Variants in GABRB2 observed in about 807,000 individuals in gnomAD.
GABRB2 encodes gamma-aminobutyric acid receptor subunit beta-2.
Under a neutral mutation model 54.7 loss-of-function variants are expected in GABRB2, and 16 were observed. The ratio of observed to expected loss-of-function variants is 0.29; its 90% CI spans 0.20 to 0.44. The LOEUF (loss-of-function observed/expected upper bound fraction) is 0.44. GABRB2 is among the 20% of genes least tolerant of loss of function. The probability of loss-of-function intolerance (pLI) is 1.00; values close to 1 mark genes in which losing one functional copy is unlikely to be tolerated. For synonymous variants in GABRB2, 244 were observed against 233.8 expected (o/e 1.04, Z -0.40); for missense variants, 355 against 644.0 (o/e 0.55, Z 4.86).
chr5:161,534,559 G>A (rs531128247), intron 3 of GABRB2, among the ~76,000 whole-genome samples: 11 of 152,154 alleles, frequency 7.2e-5, no homozygotes, highest in South Asian at 4.2e-4. Context: ...TCACTTGCAG[G>A]GTAAATGCAC....
In GABRB2 at chr5:161,522,350, C is replaced by T. The variant is rs1760140323; in HGVS notation, c.237+22877G>A. On this transcript the variant is annotated intron_variant, in intron 3 of 9. Coordinates refer to ENST00000393959, the MANE Select transcript of GABRB2 (RefSeq NM_001371727.1). The stretch of plus-strand genomic sequence containing the variant: ...AAAAATACAGCATCCAACAACACTA[C>T]TGCAGACTCCTGCAGGCACGATACC... 2.6e-5 allele frequency among the ~76,000 whole-genome samples: 4 copies of T among 151,758 alleles called. No individual in the cohort carries two copies. The South Asian group carries it at 6.2e-4, about 24-fold the overall frequency.
chr5:161,446,429 T>C (rs568311150), intron 4 of GABRB2, among the ~76,000 whole-genome samples: 12 of 152,268 alleles, frequency 7.9e-5, no homozygotes, highest in East Asian at 5.8e-4. Context: ...AAGTGAATAA[T>C]TGCATTCAGC....
At chr5:161,460,626 C>T (rs2113266961) in intron 3 of GABRB2, among the ~76,000 whole-genome samples, 1 of 151,954 alleles carries the variant, frequency 6.6e-6, no homozygotes, top group Non-Finnish European at 1.5e-5. Flanking sequence ...ACATCCAAAC[C>T]TAAGAATCCA....
intron 3 of GABRB2, among the ~76,000 whole-genome samples, chr5:161,498,412 T>G (rs1581035730): frequency 6.6e-6 from 1 of 152,200 alleles, no homozygotes; most frequent in East Asian, 1.9e-4. Context: ...TCTATTGGCT[T>G]TGAGATGCTG....
chr5:161,433,601 C>A (rs1216418389), intron 4 of GABRB2, among the ~76,000 whole-genome samples: 1 of 151,574 alleles, frequency 6.6e-6, no homozygotes, highest in Non-Finnish European at 1.5e-5. Context: ...TGGAGTGATA[C>A]CCTGTCTCCA....
chr5:161,343,353 T>A (rs1163224200), intron 5 of GABRB2, among the ~76,000 whole-genome samples: 1 of 152,024 alleles, frequency 6.6e-6, no homozygotes, highest in Admixed American at 6.6e-5. Context: ...CATTCATCCT[T>A]CATCAGAGAT....
chr5:161,388,805 C>A (rs559620848), intron 5 of GABRB2, among the ~76,000 whole-genome samples: 151 of 151,904 alleles, frequency 9.9e-4, no homozygotes, highest in African/African-American at 3.6e-3. Flanking sequence ...TCTTCAACAG[C>A]AACATGTTGC....
chr5:161,307,880 A>G lies in GABRB2; in HGVS notation c.1192-13452T>C, dbSNP rs532874633. ...GACTAATTCTTTTTTTTTTTTTTTG[A>G]CCGAGTCTCGCTCTGTTGCCCAGGC... On this transcript the variant is annotated intron_variant, in intron 9 of 9. Transcript: ENST00000393959. Among the ~76,000 whole-genome samples, 8 of 130,090 alleles carry G rather than the reference A, an allele frequency of 6.1e-5. No individual in the cohort carries two copies. The South Asian group carries it at 1.9e-3, about 31-fold the overall frequency. The allele number at this position is 130,090 out of a possible 152,430, so 85.3% of individuals were successfully genotyped here. A position where few individuals can be genotyped will look rare whatever the true frequency, so the allele number is the denominator to read the frequency against.
chr5:161,407,221 T>G (rs999262773), intron 5 of GABRB2, among the ~76,000 whole-genome samples: 1 of 152,004 alleles, frequency 6.6e-6, no homozygotes, highest in East Asian at 1.9e-4. Context: ...GATGAGGCCA[T>G]GTAGTTGACA....
chr5:161,353,041 C>A (rs940032035), intron 5 of GABRB2, among the ~76,000 whole-genome samples: 1 of 151,910 alleles, frequency 6.6e-6, no homozygotes, highest in Non-Finnish European at 1.5e-5. Context: ...ATAGAAAATA[C>A]CTGCAAAGCA....
intron 3 of GABRB2, among the ~76,000 whole-genome samples, chr5:161,510,351 G>T (rs568783802): frequency 1.1e-4 from 16 of 151,444 alleles, no homozygotes; most frequent in East Asian, 9.7e-4. Flanking sequence ...GAGAACATGC[G>T]ACATTTGTCT....
At position 161,353,453 on chromosome 5, in the gene GABRB2, G is replaced by A. The variant is rs73797582; in HGVS notation, c.542-16684C>T. Among the ~76,000 whole-genome samples, 660 of 152,138 alleles carry A rather than the reference G, an allele frequency of 4.3e-3. 8 individuals carry two copies. The highest frequency in any genetic ancestry group is 0.014 in the African/African-American group (585 of 41,554). ...ATTGGTTATTGACAGATACAGGAAC[G>A]TTGCTCTTATCCTAACCTAAAAGTA... On this transcript the variant is annotated intron_variant, in intron 5 of 9. Transcript: ENST00000393959.
At chr5:161,484,073 A>G (rs1419799747) in intron 3 of GABRB2, among the ~76,000 whole-genome samples, 1 of 151,960 alleles carries the variant, frequency 6.6e-6, no homozygotes, top group African/African-American at 2.4e-5. Flanking sequence ...AAAATGAAAA[A>G]AAAAGCAGAG....
intron 5 of GABRB2, among the ~76,000 whole-genome samples, chr5:161,351,894 C>T (rs1241830416): frequency 6.6e-6 from 1 of 151,868 alleles, no homozygotes; most frequent in Non-Finnish European, 1.5e-5. Context: ...GGGCAAATAA[C>T]CTAAATAGAC....
intron 5 of GABRB2, among the ~76,000 whole-genome samples, chr5:161,391,862 C>A (rs1755833328): frequency 6.6e-6 from 1 of 152,102 alleles, no homozygotes; most frequent in South Asian, 2.1e-4. Context: ...ATTCACTGAT[C>A]TAAGAAGGGA....
At chr5:161,396,247 T>C (rs1035135938) in intron 5 of GABRB2, among the ~76,000 whole-genome samples, 2 of 152,112 alleles carry the variant, frequency 1.3e-5, no homozygotes, top group South Asian at 4.1e-4. Context: ...ATCCATTCCT[T>C]CCAGGGAGGA....
chr5:161,481,687 C>T (rs1758767447), intron 3 of GABRB2, among the ~76,000 whole-genome samples: 1 of 151,916 alleles, frequency 6.6e-6, no homozygotes, highest in Non-Finnish European at 1.5e-5. Flanking sequence ...TTAATCCATT[C>T]AAGAAAATTT....
intron 3 of GABRB2, among the ~76,000 whole-genome samples, chr5:161,517,591 A>G (rs933626926): frequency 3.0e-4 from 46 of 152,258 alleles, no homozygotes; most frequent in Non-Finnish European, 1.9e-4. Context: ...AACACTCTCT[A>G]CAGATACCCA....
chr5:161,459,615 A>C lies in GABRB2; in HGVS notation c.458+9T>G. On this transcript the variant is annotated intron_variant, in intron 4 of 9. Transcript: ENST00000393959. ...GGAAAAGTTATATTTTGAATTGGGG[A>C]CAACAGACCTGAGTCCATAAAGGAC... is the stretch of plus-strand genomic sequence containing the variant. The C allele has an allele frequency of 6.2e-7, 1 of 1,609,068 alleles. No individual in the cohort carries two copies. Among genetic ancestry groups the C allele is most frequent in the Non-Finnish European group, 8.5e-7 (1 of 1,175,458 alleles).
Sources: gnomAD v4.1 joint callset for allele counts (sites outside exome capture counted in the v4.1 genomes callset) on GRCh38, gnomAD v4.1.1 for gene constraint, MANE v1.5 for transcripts, NCBI Gene and HGNC (gene_info 2026-07-23, HGNC 2026-07-21) for gene names.